The following RFNG variants were observed in gnomAD, a reference collection of about 807,000 sequenced individuals.
The protein encoded by RFNG is beta-1,3-N-acetylglucosaminyltransferase radical fringe.
In RFNG, 37 loss-of-function variants were observed where a neutral mutation model predicts 29.6. The observed-to-expected ratio is 1.25, with a 90% CI of 0.96 to 1.65. RFNG has a LOEUF of 1.65. RFNG is among the 40% of genes most tolerant of loss of function. The pLI, the probability that RFNG is intolerant of heterozygous loss-of-function variation, is 0.00. For synonymous variants in RFNG, 276 were observed against 197.3 expected (o/e 1.40, Z -3.34); for missense variants, 546 against 457.0 (o/e 1.19, Z -1.78).
Position 82,051,055 on chromosome 17 carries a change from A to G in RFNG, c.316+239T>C. 2.9e-6 allele frequency: 4 copies of G among 1,384,192 alleles called. No individual in the cohort carries two copies. Among genetic ancestry groups the G allele is most frequent in the Non-Finnish European group, 3.7e-6 (4 of 1,074,430 alleles). 85.7% of individuals were successfully genotyped at this position (1,384,192 alleles called of 1,614,324 possible). A position where few individuals can be genotyped will look rare whatever the true frequency, so the allele number is the denominator to read the frequency against. On this transcript the variant is annotated intron_variant, in intron 2 of 7. Transcript: ENST00000310496. The surrounding 1 kb of genome is among the most constrained non-coding windows in gnomAD (Gnocchi z 4.1). ...TTCCCTGCTGGCGCTTCTTCAGGGG[A>G]CGTGGCACTAGCCCCACGCCCCGGG...
At chr17:82,050,928 C>T (rs892361754) in intron 2 of RFNG, 164 bp from the exon 3 acceptor site, 13 of 1,414,696 alleles carry the variant, frequency 9.2e-6, no homozygotes, top group Non-Finnish European at 1.1e-5. Context: ...CGCGCTGACC[C>T]TGCTGGTGCC....
rs138202141 is a variant in RFNG at position 82,049,032 on chromosome 17, G to A, written c.913C>T (p.Arg305Trp). 204 of 1,613,040 alleles carry A rather than the reference G, an allele frequency of 1.3e-4. No individual in the cohort carries two copies. Among genetic ancestry groups the A allele is most frequent in the Non-Finnish European group, 1.6e-4 (189 of 1,179,834 alleles). The stretch of plus-strand genomic sequence containing the variant: ...CTGCCCATGCCACTACCTACTCACC[G>A]TGTGGGGTCTTGATGCAGGCTGAAG... ...GGFSLHQDPT[R>W]FKSIHCLLYP... The change falls in exon 7 of 8, where the codon CGG (arginine) becomes TGG (tryptophan). Residue 305 changes from arginine (R) to tryptophan (W), a missense_variant and splice_region_variant. Physicochemically the swap from Arg to Trp is moderately radical, Grantham distance 101 (BLOSUM62 -3). Coordinates refer to ENST00000310496, the MANE Select transcript of RFNG (RefSeq NM_002917.2).
chr17:82,049,474 C>T (rs528741327), intron 6 of RFNG: 1 of 733,322 alleles, frequency 1.4e-6, no homozygotes, highest in East Asian at 2.7e-5. Flanking sequence ...CCCCTCGTTC[C>T]TCTGCCCCAG....
rs1297493803 is a variant in RFNG at position 82,048,319 on chromosome 17, G to A, written c.*407C>T. The A allele has an allele frequency of 1.8e-5, 4 of 227,722 alleles. No homozygotes were observed. The highest frequency in any genetic ancestry group is 4.6e-5 in the African/African-American group (2 of 43,386). 14.1% of individuals were successfully genotyped at this position (227,722 alleles called of 1,614,324 possible). ...GCCAGGCTGAGCCCTTGCAATGGCCGTGGCTGGGCCAGGACCTTGGCCTGG... is the reference window on the plus strand; with the variant it reads ...GCCAGGCTGAGCCCTTGCAATGGCCATGGCTGGGCCAGGACCTTGGCCTGG... On this transcript the variant is annotated 3_prime_UTR_variant, in exon 8 of 8. Transcript: ENST00000310496.
chr17:82,049,857 G>C lies in RFNG; in HGVS notation c.663-15C>G. 1 of 1,610,224 alleles carries C rather than the reference G, an allele frequency of 6.2e-7. No homozygotes were observed. Among genetic ancestry groups the C allele is most frequent in the Non-Finnish European group, 8.5e-7 (1 of 1,178,502 alleles). On this transcript the variant is annotated splice_polypyrimidine_tract_variant and intron_variant, in intron 5 of 7. Transcript: ENST00000310496. The stretch of plus-strand genomic sequence containing the variant: ...AGCTGCCCAGGCTGGGGGGAGGCCG[G>C]TCAGCACCTTTCAGGTCTCAGCCTC...
At chr17:82,050,331 C>T (rs1452846503) in intron 4 of RFNG, 71 bp downstream of exon 4, 9 of 1,487,378 alleles carry the variant, frequency 6.1e-6, no homozygotes, top group African/African-American at 1.4e-5. Flanking sequence ...GCTTTCCACG[C>T]CCTCTGCTGT....
rs2030420396 is a variant in RFNG at position 82,050,837 on chromosome 17, GCCC to G, written c.317-76_317-74del. 2.7e-6 allele frequency: 4 copies of G among 1,503,098 alleles called. No homozygotes were observed. The South Asian group carries it at 4.7e-5, about 18-fold the overall frequency. The allele number at this position is 1,503,098 out of a possible 1,614,324, so 93.1% of individuals were successfully genotyped here. ...TTGGGGTAAGGCCTGTGCCCCACCT[GCCC>G]CCAAGGGCCAGGGCACAACGTGGCT... On this transcript the variant is annotated intron_variant, in intron 2 of 7. Transcript: ENST00000310496.
In RFNG at chr17:82,050,571, GTCC is replaced by G. The variant is rs1298685108; in HGVS notation, c.420-19_420-17del. 1 of 1,609,514 alleles carries G rather than the reference GTCC, an allele frequency of 6.2e-7. No individual in the cohort carries two copies. Among genetic ancestry groups the G allele is most frequent in the Admixed American group, 1.7e-5 (1 of 59,864 alleles). ...GCAAAACCACCTGTGGGCGAGGGGA[GTCC>G]TGGGCACGAGGGCCTGGCATGGCTG... is the stretch of plus-strand genomic sequence containing the variant. On this transcript the variant is annotated splice_polypyrimidine_tract_variant and intron_variant, in intron 3 of 7. Coordinates refer to ENST00000310496, the MANE Select transcript of RFNG (RefSeq NM_002917.2).
In RFNG at chr17:82,051,705, G is replaced by A. The variant is rs913438528; in HGVS notation, c.62C>T (p.Ala21Val). 9.8e-6 allele frequency: 10 copies of A among 1,022,642 alleles called. No individual in the cohort carries two copies. Among genetic ancestry groups the A allele is most frequent in the Non-Finnish European group, 1.2e-5 (10 of 856,684 alleles). 63.3% of individuals were successfully genotyped at this position (1,022,642 alleles called of 1,614,324 possible). ...ACLALAAALA[A>V]LLLLPLPLPR... Reference sequence around the variant, plus strand: ...CAGCGGCAGCGGCAGTAACAGCAGCGCGGCCAGGGCCGCGGCCAGCGCGAG... The same window carrying A: ...CAGCGGCAGCGGCAGTAACAGCAGCACGGCCAGGGCCGCGGCCAGCGCGAG... Residue 21 changes from alanine to valine, a missense_variant, in exon 1 of 8, where the codon GCG becomes GTG. Transcript: ENST00000310496. The surrounding 1 kb of genome is among the most constrained non-coding windows in gnomAD (Gnocchi z 4.1).
At position 82,050,104 on chromosome 17, in the gene RFNG, G is replaced by A. The variant is rs188490502; in HGVS notation, c.574-98C>T. On this transcript the variant is annotated intron_variant, in intron 4 of 7. Coordinates refer to ENST00000310496, the MANE Select transcript of RFNG (RefSeq NM_002917.2). ...GGCATCTTTCTTAAGCTGCCCCTTA[G>A]GAGATCCCACCCAGGTAACAGAAGC... 88 of 1,083,754 alleles carry A rather than the reference G, an allele frequency of 8.1e-5. No homozygotes were observed. In the African/African-American group the frequency reaches 1.1e-3, roughly 13 times the overall value. The allele number at this position is 1,083,754 out of a possible 1,614,324, so 67.1% of individuals were successfully genotyped here. A position where few individuals can be genotyped will look rare whatever the true frequency, so the allele number is the denominator to read the frequency against.
chr17:82,050,100 C>T (rs2030234872), intron 4 of RFNG, 94 bp from the exon 5 acceptor site: 4 of 1,104,610 alleles, frequency 3.6e-6, no homozygotes, highest in Non-Finnish European at 5.3e-6. Context: ...TAAGCTGCCC[C>T]TTAGGAGATC....
chr17:82,050,305 T>C (rs2030288419), intron 4 of RFNG, 97 bp downstream of exon 4: 17 of 1,390,656 alleles, frequency 1.2e-5, no homozygotes, highest in Non-Finnish European at 1.6e-5. Context: ...CCCAACCCTA[T>C]GCCCTTCTCA....
rs2030320951 is a variant in RFNG, at chr17:82,050,438, G to A, written c.537C>T (p.Pro179=). 5 of 1,609,302 alleles carry A rather than the reference G, an allele frequency of 3.1e-6. No homozygotes were observed. Among genetic ancestry groups the A allele is most frequent in the Middle Eastern group, 1.6e-4 (1 of 6,064 alleles). ...CCTGGACCCTCTCGGTGGCCTCAAT[G>A]GGGTGGTCCAGGCTGGGCCGCCCCA... ...VYLGRPSLDH[P]IEATERVQGG... Residue 179 remains proline, a synonymous_variant, in exon 4 of 8, where the codon CCC becomes CCT. Transcript: ENST00000310496.
In RFNG at chr17:82,050,465, G is replaced by A. The variant is rs773463816; in HGVS notation, c.510C>T (p.Tyr170=). ...LSSFSPSQDV[Y]LGRPSLDHPI... ...GGTGGTCCAGGCTGGGCCGCCCCAGGTAGACGTCCTGGCTGGGTGAGAAGC... is the reference window on the plus strand; with the variant it reads ...GGTGGTCCAGGCTGGGCCGCCCCAGATAGACGTCCTGGCTGGGTGAGAAGC... Residue 170 remains tyrosine (Y), a synonymous_variant, in exon 4 of 8, where the codon TAC becomes TAT. Transcript: ENST00000310496. 54 of 1,612,726 alleles carry A rather than the reference G, an allele frequency of 3.3e-5. No individual in the cohort carries two copies. The highest frequency in any genetic ancestry group is 4.5e-5 in the East Asian group (2 of 44,890).
intron 6 of RFNG, chr17:82,049,399 A>T (rs771273537): frequency 4.3e-6 from 3 of 698,852 alleles, no homozygotes; most frequent in Non-Finnish European, 7.8e-6. Context: ...ACTCACCATC[A>T]CCATACACAC....
Position 82,051,070 on chromosome 17 carries a change from C to G in RFNG, c.316+224G>C. The G allele has an allele frequency of 1.5e-6, 2 of 1,370,810 alleles. No individual in the cohort carries two copies. The highest frequency in any genetic ancestry group is 1.9e-6 in the Non-Finnish European group (2 of 1,067,638). The allele number at this position is 1,370,810 out of a possible 1,614,324, so 84.9% of individuals were successfully genotyped here. A position where few individuals can be genotyped will look rare whatever the true frequency, so the allele number is the denominator to read the frequency against. On this transcript the variant is annotated intron_variant, in intron 2 of 7. Transcript: ENST00000310496. This position sits in a 1 kb window ranked among gnomAD's most constrained non-coding sequence, Gnocchi z 4.1. ...TCTTCAGGGGACGTGGCACTAGCCCCACGCCCCGGGAAGCGGCTAGTGTGA... is the reference window on the plus strand; with the variant it reads ...TCTTCAGGGGACGTGGCACTAGCCCGACGCCCCGGGAAGCGGCTAGTGTGA...
rs781107605 is a variant in RFNG, at chr17:82,048,826, G to A, written c.915-19C>T. 1.2e-4 allele frequency: 189 copies of A among 1,604,410 alleles called. No homozygotes were observed. The highest frequency in any genetic ancestry group is 1.6e-4 in the Non-Finnish European group (186 of 1,172,086). On this transcript the variant is annotated intron_variant, in intron 7 of 7. Transcript: ENST00000310496. ...CTTAAACCTGGGGAAGGAAGAAGTAGGGGTCAGGGCCGTGGGCGGAGAGAG... is the reference window on the plus strand; with the variant it reads ...CTTAAACCTGGGGAAGGAAGAAGTAAGGGTCAGGGCCGTGGGCGGAGAGAG...
intron 2 of RFNG, 178 bp from the exon 3 acceptor site, chr17:82,050,942 G>A (rs2030446922): frequency 1.4e-6 from 2 of 1,422,056 alleles, no homozygotes; most frequent in South Asian, 1.5e-5. Flanking sequence ...TGGTGCCACC[G>A]AGGCTGAAGC....
chr17:82,050,038 G>A (rs779526120), intron 4 of RFNG, 32 bp from the exon 5 acceptor site: 101 of 1,555,710 alleles, frequency 6.5e-5, no homozygotes, highest in Non-Finnish European at 8.1e-5. Flanking sequence ...GAGCTGCCCA[G>A]GACAGGGCTT....
Sources: gnomAD v4.1 joint callset for allele counts on GRCh38, gnomAD v4.1.1 for gene constraint, Gnocchi (gnomAD v3.1) non-coding constraint, MANE v1.5 for transcripts, NCBI Gene and HGNC (gene_info 2026-07-23, HGNC 2026-07-21) for gene names.